SOX5: variants seen among roughly 807,000 people sequenced by gnomAD.
The protein encoded by SOX5 is SRY-box transcription factor 5.
A neutral mutation model predicts 92.0 loss-of-function variants in SOX5; 9 were observed. The observed-to-expected ratio is 0.10, with a 90% CI of 0.06 to 0.17. SOX5 has a LOEUF of 0.17. Among genes scored for constraint, SOX5 ranks in the 10% least tolerant of loss-of-function variants. The pLI is 1.00. For missense variants in SOX5, 642 were observed against 944.5 expected, an observed-to-expected ratio of 0.68 and a Z score of 4.20; for synonymous variants, 344 against 336.3, an observed-to-expected ratio of 1.02 and a Z score of -0.25.
At chr12:24,124,101 C>CT (rs1238673662) in intron 4 of SOX5, among the ~76,000 whole-genome samples, 2 of 152,082 alleles carry the variant, frequency 1.3e-5, no homozygotes, top group African/African-American at 4.8e-5. Context: ...TGCTATTTTT[C>CT]TTTTTTTAAT....
At position 24,511,870 on chromosome 12, in the gene SOX5, A is replaced by G. The variant is rs140382675; in HGVS notation, c.-251+50459T>C. Among the ~76,000 whole-genome samples, 555 of 151,224 alleles carry G rather than the reference A, an allele frequency of 3.7e-3. 1 individual carries two copies. The highest frequency in any genetic ancestry group is 0.013 in the African/African-American group (517 of 41,188). ...CTACTCGGGAGGCTGAGGCAGGAGAATGGTGTGAACCCGGGATGTGGATCT... is the reference window on the plus strand; with the variant it reads ...CTACTCGGGAGGCTGAGGCAGGAGAGTGGTGTGAACCCGGGATGTGGATCT... On this transcript the variant is annotated intron_variant, in intron 1 of 4. Transcript: ENST00000446891.
At chr12:24,426,731 A>G (rs1373854276) in intron 1 of SOX5, among the ~76,000 whole-genome samples, 10 of 152,200 alleles carry the variant, frequency 6.6e-5, no homozygotes, top group Non-Finnish European at 1.5e-4. Context: ...TAGTACACAG[A>G]AAGCGTCCAG....
intron 1 of SOX5, among the ~76,000 whole-genome samples, chr12:23,916,743 T>C (rs2097421641): frequency 6.6e-6 from 1 of 152,218 alleles, no homozygotes. Context: ...CCACAGGGAA[T>C]TATCAAGGAA....
At chr12:23,779,921 A>G (rs889103214) in intron 3 of SOX5, among the ~76,000 whole-genome samples, 1 of 142,748 alleles carries the variant, frequency 7.0e-6, no homozygotes, top group Non-Finnish European at 1.5e-5. Context: ...AGAAAAAGAC[A>G]TGTGTTTATG....
chr12:24,030,923 C>A (rs1955432256), intron 4 of SOX5, among the ~76,000 whole-genome samples: 1 of 151,746 alleles, frequency 6.6e-6, no homozygotes, highest in Non-Finnish European at 1.5e-5. Flanking sequence ...ATGCAAATGG[C>A]CAATGGGTAT....
chr12:24,233,717 A>G (rs1003128159), intron 3 of SOX5, among the ~76,000 whole-genome samples: 36 of 152,356 alleles, frequency 2.4e-4, no homozygotes, highest in African/African-American at 7.9e-4. Flanking sequence ...GAAATTGTCA[A>G]CGTTGCTATT....
chr12:23,856,927 T>C (rs1044334646), intron 2 of SOX5, among the ~76,000 whole-genome samples: 1 of 152,160 alleles, frequency 6.6e-6, no homozygotes, highest in African/African-American at 2.4e-5. Flanking sequence ...AGGGAACATG[T>C]CTGATTATTC....
chr12:23,591,963 A>C (rs1221779060), intron 9 of SOX5, among the ~76,000 whole-genome samples: 1 of 152,146 alleles, frequency 6.6e-6, no homozygotes, highest in Non-Finnish European at 1.5e-5. Context: ...AAATATCTAC[A>C]CTGCCAAAGT....
At chr12:24,269,884 A>G (rs1303544391) in intron 3 of SOX5, among the ~76,000 whole-genome samples, 19 of 108,430 alleles carry the variant, frequency 1.8e-4, no homozygotes, top group African/African-American at 5.8e-4. Context: ...AGGTCTTCCT[A>G]TGTCACCTAG....
At chr12:23,766,362 G>A (rs1208040537) in intron 3 of SOX5, among the ~76,000 whole-genome samples, 1 of 152,098 alleles carries the variant, frequency 6.6e-6, no homozygotes, top group Non-Finnish European at 1.5e-5. Context: ...CAGCCATGAA[G>A]GATATTATCA....
At chr12:24,252,057 T>C (rs1316059162) in intron 3 of SOX5, among the ~76,000 whole-genome samples, 1 of 152,180 alleles carries the variant, frequency 6.6e-6, no homozygotes, top group Non-Finnish European at 1.5e-5. Flanking sequence ...TTTTTGCTTT[T>C]GCCAACATTA....
intron 6 of SOX5, among the ~76,000 whole-genome samples, chr12:23,695,766 C>A (rs1252138583): frequency 6.6e-6 from 1 of 151,386 alleles, no homozygotes; most frequent in Non-Finnish European, 1.5e-5. Context: ...ACGGTGAAAC[C>A]CCGTCTCTAC....
intron 2 of SOX5, among the ~76,000 whole-genome samples, chr12:24,280,146 C>T (rs1944986741): frequency 6.6e-6 from 1 of 152,096 alleles, no homozygotes; most frequent in African/African-American, 2.4e-5. Flanking sequence ...CCTATTTACA[C>T]CCTCTACTTT....
chr12:24,104,794 T>C (rs1946491644), intron 4 of SOX5, among the ~76,000 whole-genome samples: 2 of 152,212 alleles, frequency 1.3e-5, no homozygotes, highest in African/African-American at 4.8e-5. Flanking sequence ...TTGAAGACAA[T>C]ATTATGTTCC....
intron 6 of SOX5, among the ~76,000 whole-genome samples, chr12:23,721,167 C>A (rs1364160881): frequency 6.6e-6 from 1 of 152,100 alleles, no homozygotes; most frequent in Non-Finnish European, 1.5e-5. Flanking sequence ...CTGACTGCAA[C>A]CTCCACCTCC....
chr12:23,731,245 G>C (rs781307866), intron 6 of SOX5, among the ~76,000 whole-genome samples: 84 of 152,258 alleles, frequency 5.5e-4, no homozygotes, highest in Non-Finnish European at 1.8e-4. Flanking sequence ...TTTGCACTTG[G>C]ACTGAGAACC....
intron 1 of SOX5, among the ~76,000 whole-genome samples, chr12:23,905,184 T>C (rs1171516672): frequency 6.6e-6 from 1 of 152,194 alleles, no homozygotes; most frequent in African/African-American, 2.4e-5. Flanking sequence ...TCCATTTTTG[T>C]TTTGTTAATT....
chr12:24,328,032 C>T (rs770929347), intron 2 of SOX5, among the ~76,000 whole-genome samples: 5 of 152,076 alleles, frequency 3.3e-5, no homozygotes, highest in Non-Finnish European at 7.4e-5. Flanking sequence ...AACTAGAACT[C>T]GGATCCTCTA....
At chr12:24,417,051 C>T (rs918660983) in intron 1 of SOX5, among the ~76,000 whole-genome samples, 3 of 152,162 alleles carry the variant, frequency 2.0e-5, no homozygotes, top group African/African-American at 7.2e-5. Context: ...ATCCCCATCA[C>T]CCCAAACATT....
Sources: allele counts gnomAD v4.1 joint callset (sites outside exome capture counted in the v4.1 genomes callset), GRCh38; gene constraint gnomAD v4.1.1; transcripts MANE v1.5; gene names NCBI Gene and HGNC (gene_info 2026-07-23, HGNC 2026-07-21).